APOBEC3H: variants seen among roughly 807,000 people sequenced by gnomAD.
APOBEC3H encodes DNA dC->dU-editing enzyme APOBEC-3H.
APOBEC3H carries 8 observed loss-of-function variants against 21.2 expected under a neutral mutation model. That is an observed-to-expected ratio of 0.38 (90% confidence interval 0.22 to 0.68). APOBEC3H has a LOEUF of 0.68. Among genes scored for constraint, APOBEC3H ranks in the 30% least tolerant of loss-of-function variants. The pLI, the probability that APOBEC3H is intolerant of heterozygous loss-of-function variation, is 0.52. For missense variants in APOBEC3H, 229 were observed against 228.1 expected, an observed-to-expected ratio of 1.00 and a Z score of -0.03; for synonymous variants, 88 against 91.0, an observed-to-expected ratio of 0.97 and a Z score of 0.19.
intron 2 of APOBEC3H, 48 bp downstream of exon 2, chr22:39,100,476 T>A: frequency 6.3e-7 from 1 of 1,589,118 alleles, no homozygotes; most frequent in Non-Finnish European, 8.6e-7. Flanking sequence ...GCTAACCCCA[T>A]CTGATGTGTG....
intron 4 of APOBEC3H, among the ~76,000 whole-genome samples, 161 bp downstream of exon 4, chr22:39,102,203 C>T (rs1929407935): frequency 6.6e-6 from 1 of 152,012 alleles, no homozygotes; most frequent in African/African-American, 2.4e-5. Context: ...GGCAGGAGGG[C>T]AGTGGTGTGA....
rs865997285 is a variant in APOBEC3H at position 39,101,628 on chromosome 22, G to T, written c.418+124G>T. 641 of 277,464 alleles carry T rather than the reference G, an allele frequency of 2.3e-3. 29 individuals are homozygous for T. The African/African-American group carries it at 0.032, about 14-fold the overall frequency. 17.2% of individuals were successfully genotyped at this position (277,464 alleles called of 1,614,324 possible). ...GGGGGGCGGGGGCGGGTTGGAGGAG[G>T]TTGGCGGGGGGTGGGGGCGGGTTGG... On this transcript the variant is annotated intron_variant, in intron 3 of 4. Transcript: ENST00000442487.
At position 39,102,359 on chromosome 22, in the gene APOBEC3H, G is replaced by A. The variant is rs571200903; in HGVS notation, c.543+317G>A. ...AGATGGGGTTTCACCATGTTGCCCA[G>A]GCTGGTCTTAGAACTCTTGGCCTCA... On this transcript the variant is annotated intron_variant, in intron 4 of 4. Coordinates refer to ENST00000442487, the MANE Select transcript of APOBEC3H (RefSeq NM_181773.5). Among the ~76,000 whole-genome samples, 3 of 92 alleles carry A rather than the reference G, an allele frequency of 0.033. No individual in the cohort carries two copies. In the South Asian group the frequency reaches 0.5, roughly 15 times the overall value. The allele number at this position is 92 out of a possible 152,430, so 0.1% of individuals were successfully genotyped here.
At chr22:39,101,133 T>A in intron 2 of APOBEC3H, 104 bp from the exon 3 acceptor site, 1 of 490,246 alleles carries the variant, frequency 2.0e-6, no homozygotes. Flanking sequence ...GACAGACCCC[T>A]CTGCCCCCCC....
In APOBEC3H at chr22:39,101,437, G is replaced by A. The variant is rs1424496475; in HGVS notation, c.351G>A (p.Lys117=). 8 of 1,611,950 alleles carry A rather than the reference G, an allele frequency of 5.0e-6. No individual in the cohort carries two copies. In the East Asian group the frequency reaches 8.9e-5, roughly 18 times the overall value. The stretch of plus-strand genomic sequence containing the variant: ...CCCGCCTGTACTACCACTGGTGCAA[G>A]CCCCAGCAGAAGGGGCTGCGGCTTC... ...FASRLYYHWC[K]PQQKGLRLLC... Residue 117 remains lysine, a synonymous_variant, in exon 3 of 5, where the codon AAG becomes AAA. Transcript: ENST00000442487.
At chr22:39,103,558 T>C (rs1371058249) in intron 4 of APOBEC3H, 131 bp from the exon 5 acceptor site, 1 of 920,398 alleles carries the variant, frequency 1.1e-6, no homozygotes, top group East Asian at 2.4e-5. Context: ...CGTGTTTTTC[T>C]CCAGGCCTTC....
chr22:39,098,064 G>A (rs2146312517), intron 1 of APOBEC3H, among the ~76,000 whole-genome samples: 1 of 152,332 alleles, frequency 6.6e-6, no homozygotes, highest in Non-Finnish European at 1.5e-5. Flanking sequence ...GGCTGGCCAG[G>A]AAAGTGGCCC....
At chr22:39,097,675 G>A (rs1018253446) in intron 1 of APOBEC3H, among the ~76,000 whole-genome samples, 2 of 152,240 alleles carry the variant, frequency 1.3e-5, no homozygotes, top group Non-Finnish European at 2.9e-5. Flanking sequence ...CTGGAACTGG[G>A]AGAACTGAAC....
chr22:39,098,283 T>C (rs1929115643), intron 1 of APOBEC3H, among the ~76,000 whole-genome samples: 1 of 152,228 alleles, frequency 6.6e-6, no homozygotes, highest in South Asian at 2.1e-4. Context: ...CTCAGTCTGT[T>C]GCCCAGGCTG....
At chr22:39,100,931 G>T (rs1429309663) in intron 2 of APOBEC3H, among the ~76,000 whole-genome samples, 1 of 152,062 alleles carries the variant, frequency 6.6e-6, no homozygotes, top group Non-Finnish European at 1.5e-5. Context: ...AGAGCTTCGG[G>T]ACTGGGGCGT....
intron 2 of APOBEC3H, 171 bp downstream of exon 2, chr22:39,100,599 G>A (rs1318428036): frequency 1.0e-5 from 9 of 896,802 alleles, no homozygotes; most frequent in East Asian, 2.7e-5. Flanking sequence ...GGATCTGAGT[G>A]GCCCAGTTTC....
chr22:39,103,041 C>G (rs890630807), intron 4 of APOBEC3H, among the ~76,000 whole-genome samples: 1 of 150,700 alleles, frequency 6.6e-6, no homozygotes. Context: ...AATCCCAGCA[C>G]TTCAGGAGGC....
intron 2 of APOBEC3H, 24 bp from the exon 3 acceptor site, chr22:39,101,213 C>T (rs1449409849): frequency 1.3e-6 from 2 of 1,565,344 alleles, no homozygotes; most frequent in Non-Finnish European, 1.7e-6. Context: ...CCCCTCCCTT[C>T]TCTCTGTTTG....
rs1045459376 is a variant in APOBEC3H at position 39,102,439 on chromosome 22, C to T, written c.543+397C>T. On this transcript the variant is annotated intron_variant, in intron 4 of 4. Transcript: ENST00000442487. ...TGCTGGGATTACAGGTGTGAGCCAC[C>T]GTGCCCCGCCCCACTACCTGTTTCT... 45 of 715,114 alleles carry T rather than the reference C, an allele frequency of 6.3e-5. No homozygotes were observed. In the African/African-American group the frequency reaches 7.1e-4, roughly 11 times the overall value. The allele number at this position is 715,114 out of a possible 1,614,324, so 44.3% of individuals were successfully genotyped here. A position where few individuals can be genotyped will look rare whatever the true frequency, so the allele number is the denominator to read the frequency against.
chr22:39,102,309 C>G (rs1445012633), intron 4 of APOBEC3H, among the ~76,000 whole-genome samples: 2 of 151,958 alleles, frequency 1.3e-5, no homozygotes, highest in African/African-American at 4.8e-5. Flanking sequence ...CCACCATGCC[C>G]AGCTAATTTT....
intron 1 of APOBEC3H, among the ~76,000 whole-genome samples, chr22:39,097,893 G>A (rs67878612): frequency 0.074 from 11,242 of 152,032 alleles, 804 homozygotes; most frequent in African/African-American, 0.19. Flanking sequence ...CCTCCTCCAT[G>A]ATCAGTATTC....
In APOBEC3H at chr22:39,103,950, TA is replaced by T. The variant is rs1929509501; in HGVS notation, c.*255del. 1 of 539,976 alleles carries T rather than the reference TA, an allele frequency of 1.9e-6. No individual in the cohort carries two copies. The highest frequency in any genetic ancestry group is 1.9e-5 in the African/African-American group (1 of 52,536). 33.4% of individuals were successfully genotyped at this position (539,976 alleles called of 1,614,324 possible). ...TGTTCTAAGTGGGTGAATAATTTTATAATTGAAAAAATAAAGATAAAGTCTG... is the reference window on the plus strand; with the variant it reads ...TGTTCTAAGTGGGTGAATAATTTTATATTGAAAAAATAAAGATAAAGTCTG... On this transcript the variant is annotated 3_prime_UTR_variant, in exon 5 of 5. Coordinates refer to ENST00000442487, the MANE Select transcript of APOBEC3H (RefSeq NM_181773.5).
At chr22:39,101,771 C>G (rs908928240) in intron 3 of APOBEC3H, 147 bp from the exon 4 acceptor site, 1 of 1,309,490 alleles carries the variant, frequency 7.6e-7, no homozygotes, top group Non-Finnish European at 1.1e-6. Flanking sequence ...AGTCAAGGCC[C>G]AAGATCTGAC....
At chr22:39,100,746 C>G (rs908406425) in intron 2 of APOBEC3H, among the ~76,000 whole-genome samples, 1 of 152,122 alleles carries the variant, frequency 6.6e-6, no homozygotes, top group Non-Finnish European at 1.5e-5. Context: ...GCCGAGGTGC[C>G]GTGCCACGGT....
Sources: gnomAD v4.1 joint callset for allele counts (sites outside exome capture counted in the v4.1 genomes callset) on GRCh38, gnomAD v4.1.1 for gene constraint, MANE v1.5 for transcripts, NCBI Gene and HGNC (gene_info 2026-07-23, HGNC 2026-07-21) for gene names.